Variants in LRBA observed in about 807,000 individuals in gnomAD.
LRBA encodes LPS responsive beige-like anchor protein.
LRBA carries 176 observed loss-of-function variants against 330.0 expected under a neutral mutation model. The ratio of observed to expected loss-of-function variants is 0.53; its 90% CI spans 0.47 to 0.60. The LOEUF is 0.60. Among genes scored for constraint, LRBA ranks in the 20% least tolerant of loss-of-function variants. The probability of loss-of-function intolerance (pLI) is 0.00; values close to 1 mark genes in which losing one functional copy is unlikely to be tolerated. For missense variants in LRBA, 3,259 were observed against 3,444.8 expected (o/e 0.95, Z 1.35); for synonymous variants, 1,230 against 1,193.0 (o/e 1.03, Z -0.64).
intron 56 of LRBA, among the ~76,000 whole-genome samples, chr4:150,273,138 G>A (rs1746348826): frequency 6.6e-6 from 1 of 152,200 alleles, no homozygotes; most frequent in African/African-American, 2.4e-5. Flanking sequence ...CAAGCCAGAA[G>A]AGAGTGGGGG....
At chr4:150,356,318 C>T (rs1337590148) in intron 47 of LRBA, among the ~76,000 whole-genome samples, 1 of 152,044 alleles carries the variant, frequency 6.6e-6, no homozygotes, top group Non-Finnish European at 1.5e-5. Flanking sequence ...AAGCTATTCA[C>T]ATTTAAGAAG....
chr4:150,846,586 G>C (rs1459606899), intron 26 of LRBA, among the ~76,000 whole-genome samples: 1 of 151,426 alleles, frequency 6.6e-6, no homozygotes, highest in Non-Finnish European at 1.5e-5. Flanking sequence ...GAGGGGGTGA[G>C]GGGGGTCTGA....
intron 37 of LRBA, among the ~76,000 whole-genome samples, chr4:150,625,951 C>G (rs929896381): frequency 5.3e-5 from 8 of 151,830 alleles, no homozygotes; most frequent in Non-Finnish European, 1.0e-4. Flanking sequence ...CTCAGCCCCC[C>G]AAAGTGCTGA....
chr4:150,528,289 G>A (rs758270990), intron 40 of LRBA, among the ~76,000 whole-genome samples: 3 of 152,048 alleles, frequency 2.0e-5, no homozygotes, highest in Admixed American at 2.0e-4. Flanking sequence ...CACGAGGTCA[G>A]GAGATCGAGA....
At chr4:150,716,985 TGTG>T (rs1036441103) in intron 36 of LRBA, among the ~76,000 whole-genome samples, 6 of 152,298 alleles carry the variant, frequency 3.9e-5, no homozygotes, top group Admixed American at 3.3e-4. Context: ...AAAGATGTGT[TGTG>T]GTACTGAAAT....
At chr4:150,702,052 G>A (rs1206487244) in intron 36 of LRBA, among the ~76,000 whole-genome samples, 2 of 152,072 alleles carry the variant, frequency 1.3e-5, no homozygotes, top group East Asian at 1.9e-4. Flanking sequence ...AAAATCAAGC[G>A]GGAGAATAAA....
At chr4:150,565,396 G>A (rs1247282634) in intron 40 of LRBA, among the ~76,000 whole-genome samples, 1 of 151,984 alleles carries the variant, frequency 6.6e-6, no homozygotes, top group East Asian at 1.9e-4. Flanking sequence ...AATGCATGTG[G>A]GGCTTAAAAC....
chr4:150,350,482 A>C (rs1736988019), intron 47 of LRBA, among the ~76,000 whole-genome samples: 1 of 151,700 alleles, frequency 6.6e-6, no homozygotes, highest in Non-Finnish European at 1.5e-5. Flanking sequence ...AGGCAGGAGA[A>C]TCGCTTGAAC....
chr4:150,908,572 C>T, intron 10 of LRBA, 88 bp downstream of exon 10: 2 of 1,433,830 alleles, frequency 1.4e-6, no homozygotes, highest in Non-Finnish European at 1.9e-6. Flanking sequence ...CGTGACATTC[C>T]ATGTGTTTAA....
At chr4:150,417,471 C>T (rs1398624803) in intron 46 of LRBA, among the ~76,000 whole-genome samples, 2 of 152,082 alleles carry the variant, frequency 1.3e-5, no homozygotes, top group Non-Finnish European at 1.5e-5. Context: ...ACATGCTTTC[C>T]TTGTTCATTG....
chr4:150,397,073 T>C (rs1037595547), intron 47 of LRBA, among the ~76,000 whole-genome samples: 29 of 152,166 alleles, frequency 1.9e-4, no homozygotes, highest in African/African-American at 7.0e-4. Context: ...AGTAGGTGTA[T>C]GTCCTTGTAA....
chr4:150,422,126 A>G (rs1057514712), intron 46 of LRBA, among the ~76,000 whole-genome samples: 1 of 152,078 alleles, frequency 6.6e-6, no homozygotes, highest in African/African-American at 2.4e-5. Flanking sequence ...GTCGGGCATC[A>G]TGGCATATGT....
rs1751158758 is a variant in LRBA, at chr4:150,436,733, C to A, written c.6912G>T (p.Leu2304=). The A allele has an allele frequency of 6.2e-7, 1 of 1,611,682 alleles. No homozygotes were observed. Among genetic ancestry groups the A allele is most frequent in the Admixed American group, 1.7e-5 (1 of 59,782 alleles). ...TTCAAATTGAACTTACTATTCTTAG[C>A]AGCCATGCAAGAACAAAACTTGCAG... ...YSTASFVLAW[L]LRIEPFTTYF... is the part of the protein sequence containing the mutation. The change falls in exon 45 of 57, where the codon CTG becomes CTT. Residue 2304 remains leucine, a synonymous_variant. Coordinates refer to ENST00000651943, the MANE Select transcript of LRBA (RefSeq NM_001364905.1).
At chr4:150,747,811 A>G (rs899410048) in intron 35 of LRBA, among the ~76,000 whole-genome samples, 1 of 152,028 alleles carries the variant, frequency 6.6e-6, no homozygotes, top group Non-Finnish European at 1.5e-5. Flanking sequence ...TCCTCCCTCT[A>G]AATTATTTCA....
intron 2 of LRBA, among the ~76,000 whole-genome samples, chr4:150,968,359 G>A (rs1030809662): frequency 2.6e-5 from 4 of 152,180 alleles, no homozygotes; most frequent in Admixed American, 1.3e-4. Context: ...AAAGGCCTAC[G>A]TCAAAGGTTG....
Position 150,624,739 on chromosome 4 carries a change from G to A in LRBA, c.5922-25608C>T, listed in dbSNP as rs889635491. Among the ~76,000 whole-genome samples the A allele has an allele frequency of 2.0e-5, 3 of 152,074 alleles. No homozygotes were observed. The East Asian group carries it at 5.8e-4, about 29-fold the overall frequency. ...CAGATCCACAAAAAAAGCATGTGAT[G>A]TAAAGCATATCTTTACTCAATTTTG... On this transcript the variant is annotated intron_variant, in intron 37 of 56. Coordinates refer to ENST00000651943, the MANE Select transcript of LRBA (RefSeq NM_001364905.1).
At chr4:150,615,640 TAAAG>T (rs1306987729) in intron 37 of LRBA, among the ~76,000 whole-genome samples, 1 of 152,130 alleles carries the variant, frequency 6.6e-6, no homozygotes, top group Non-Finnish European at 1.5e-5. Context: ...TAGGTTTTAA[TAAAG>T]AAAGTCTAAA....
chr4:150,533,275 G>C (rs1408860177), intron 40 of LRBA, among the ~76,000 whole-genome samples: 1 of 151,970 alleles, frequency 6.6e-6, no homozygotes, highest in Non-Finnish European at 1.5e-5. Flanking sequence ...CAACTTCCTG[G>C]GCTCAAGCAA....
chr4:150,982,250 CATTCTATAATAA>C (rs1169097095), intron 2 of LRBA, among the ~76,000 whole-genome samples: 1 of 152,070 alleles, frequency 6.6e-6, no homozygotes, highest in East Asian at 1.9e-4. Context: ...CCTTAAGTCT[CATTCTATAATAA>C]ATGTGCTTAA....
Sources: gnomAD v4.1 joint callset for allele counts (sites outside exome capture counted in the v4.1 genomes callset) on GRCh38, gnomAD v4.1.1 for gene constraint, MANE v1.5 for transcripts, NCBI Gene and HGNC (gene_info 2026-07-23, HGNC 2026-07-21) for gene names.